The following SMYD3 variants were observed in gnomAD, a reference collection of about 807,000 sequenced individuals.
SMYD3 encodes the protein SET and MYND domain containing 3.
In SMYD3, 36 loss-of-function variants were observed where a neutral mutation model predicts 57.7. That is an observed-to-expected ratio of 0.62 (90% CI 0.48 to 0.82). The LOEUF (loss-of-function observed/expected upper bound fraction) is 0.82, where lower values mean the gene tolerates loss of function less well. SMYD3 is among the 40% of genes least tolerant of loss of function. The pLI is 0.00. For missense variants in SMYD3, 515 were observed against 538.8 expected (o/e 0.96, Z 0.44); for synonymous variants, 211 against 195.0 (o/e 1.08, Z -0.68).
chr1:245,943,047 C>T (rs1009051244), intron 5 of SMYD3, among the ~76,000 whole-genome samples: 10 of 151,646 alleles, frequency 6.6e-5, no homozygotes, highest in Non-Finnish European at 1.0e-4. Context: ...GACCTCAAAT[C>T]GACATCCTAA....
At chr1:246,372,440 T>C (rs867644842) in intron 1 of SMYD3, among the ~76,000 whole-genome samples, 3 of 152,258 alleles carry the variant, frequency 2.0e-5, no homozygotes, top group African/African-American at 7.2e-5. Context: ...TAGACATCCC[T>C]CTAAAAGGCT....
chr1:246,358,184 A>G (rs1215386493), intron 1 of SMYD3, among the ~76,000 whole-genome samples: 1 of 151,640 alleles, frequency 6.6e-6, no homozygotes, highest in Non-Finnish European at 1.5e-5. Flanking sequence ...GACAAAACAG[A>G]CTTTAAAGCA....
intron 8 of SMYD3, among the ~76,000 whole-genome samples, chr1:245,895,042 T>A (rs1280547380): frequency 6.6e-6 from 1 of 152,170 alleles, no homozygotes; most frequent in Non-Finnish European, 1.5e-5. Context: ...GCAAACACAA[T>A]AGCTACATTG....
chr1:245,825,322 G>A (rs528193522), intron 10 of SMYD3, among the ~76,000 whole-genome samples: 22 of 152,252 alleles, frequency 1.4e-4, no homozygotes, highest in African/African-American at 5.3e-4. Flanking sequence ...CCACACCTTC[G>A]GCTTGTGGTT....
intron 11 of SMYD3, among the ~76,000 whole-genome samples, chr1:245,756,433 A>G (rs1221345894): frequency 2.0e-5 from 3 of 152,062 alleles, no homozygotes. Flanking sequence ...ACTTACCCAC[A>G]CTTTTGCTGA....
chr1:246,422,488 G>A (rs1370052402), intron 1 of SMYD3, among the ~76,000 whole-genome samples: 1 of 152,016 alleles, frequency 6.6e-6, no homozygotes, highest in Non-Finnish European at 1.5e-5. Flanking sequence ...GCAGTGGCAT[G>A]ATCTCAGCTC....
At chr1:245,978,580 G>A (rs1216094296) in intron 5 of SMYD3, among the ~76,000 whole-genome samples, 1 of 152,186 alleles carries the variant, frequency 6.6e-6, no homozygotes, top group Non-Finnish European at 1.5e-5. Flanking sequence ...GCGGGGGGCA[G>A]AGAGAACTAT....
At chr1:246,036,585 G>A (rs1489652381) in intron 5 of SMYD3, among the ~76,000 whole-genome samples, 6 of 144,978 alleles carry the variant, frequency 4.1e-5, no homozygotes, top group African/African-American at 7.7e-5. Flanking sequence ...ACGGAGTCTC[G>A]CTTTGTTGCC....
chr1:246,013,244 A>G (rs1021753937), intron 5 of SMYD3, among the ~76,000 whole-genome samples: 1 of 152,188 alleles, frequency 6.6e-6, no homozygotes, highest in East Asian at 1.9e-4. Flanking sequence ...AAGTACTGCG[A>G]TCTTGGCTCA....
At chr1:246,052,429 A>G (rs1189492771) in intron 5 of SMYD3, 1 of 152,162 alleles carries the variant, frequency 6.6e-6, no homozygotes, top group Non-Finnish European at 1.5e-5. Flanking sequence ...GATAACAGGA[A>G]AAAAAAACCA....
intron 5 of SMYD3, among the ~76,000 whole-genome samples, chr1:246,104,091 A>G (rs116814569): frequency 2.4e-4 from 37 of 152,292 alleles, no homozygotes; most frequent in African/African-American, 8.9e-4. Context: ...CTAAAATGGG[A>G]GCTCCTTTGA....
chr1:245,958,534 G>A lies in SMYD3; in HGVS notation c.532-28597C>T, dbSNP rs369922261. Among the ~76,000 whole-genome samples, 386 of 152,222 alleles carry A rather than the reference G, an allele frequency of 2.5e-3. 2 individuals are homozygous for A. Among genetic ancestry groups the A allele is most frequent in the African/African-American group, 8.6e-3 (356 of 41,530 alleles). On this transcript the variant is annotated intron_variant, in intron 5 of 11. Coordinates refer to ENST00000490107, the MANE Select transcript of SMYD3 (RefSeq NM_001167740.2). ...TCCTACTCCAAAACTTAGCTCAAGG[G>A]TTGCCTCCTTCAGGAAGCTTTTCCT...
intron 1 of SMYD3, among the ~76,000 whole-genome samples, chr1:246,367,839 A>G (rs2066132371): frequency 1.3e-5 from 2 of 152,222 alleles, no homozygotes; most frequent in Non-Finnish European, 1.5e-5. Context: ...GTACCACCAA[A>G]TAAGAGAAGA....
intron 5 of SMYD3, among the ~76,000 whole-genome samples, chr1:245,967,764 C>A (rs765975792): frequency 1.3e-5 from 2 of 152,130 alleles, no homozygotes; most frequent in Admixed American, 6.5e-5. Context: ...AGAGGGATAA[C>A]GGCAGAGCAT....
At chr1:246,221,176 T>C (rs2063248247) in intron 5 of SMYD3, among the ~76,000 whole-genome samples, 2 of 152,092 alleles carry the variant, frequency 1.3e-5, no homozygotes, top group South Asian at 4.2e-4. Context: ...TGAACACTCG[T>C]TGGGATGACC....
chr1:246,372,158 A>G (rs2066202947), intron 1 of SMYD3, among the ~76,000 whole-genome samples: 1 of 152,340 alleles, frequency 6.6e-6, no homozygotes, highest in South Asian at 2.1e-4. Flanking sequence ...ATTAATTACA[A>G]ATTCTCATCG....
At chr1:245,919,064 C>T (rs1419612133) in intron 7 of SMYD3, among the ~76,000 whole-genome samples, 7 of 152,210 alleles carry the variant, frequency 4.6e-5, no homozygotes, top group Non-Finnish European at 8.8e-5. Context: ...AAGCCTCCCT[C>T]GGCATACTGT....
chr1:246,307,475 AGTGGC>A (rs2065002431), intron 5 of SMYD3, among the ~76,000 whole-genome samples: 1 of 132,320 alleles, frequency 7.6e-6, no homozygotes. Context: ...GCTGGAGTGC[AGTGGC>A]GTGATCTCGG....
intron 5 of SMYD3, among the ~76,000 whole-genome samples, chr1:245,951,750 A>G (rs1249094547): frequency 6.6e-6 from 1 of 151,828 alleles, no homozygotes; most frequent in Non-Finnish European, 1.5e-5. Flanking sequence ...CATGTGTGAG[A>G]TTCAACCAGT....
Sources: gnomAD v4.1 joint callset for allele counts (sites outside exome capture counted in the v4.1 genomes callset) on GRCh38, gnomAD v4.1.1 for gene constraint, MANE v1.5 for transcripts, NCBI Gene and HGNC (gene_info 2026-07-23, HGNC 2026-07-21) for gene names.